The following RFX8 variants were observed in gnomAD, a reference collection of about 807,000 sequenced individuals.
RFX8 encodes DNA-binding protein RFX8.
Under a neutral mutation model 54.6 loss-of-function variants are expected in RFX8, and 46 were observed. The ratio of observed to expected loss-of-function variants is 0.84; its 90% CI spans 0.67 to 1.08. The LOEUF is 1.08. Among genes scored for constraint, RFX8 ranks in the 50% least tolerant of loss-of-function variants. The pLI is 0.00. For missense variants in RFX8, 536 were observed against 562.3 expected, an observed-to-expected ratio of 0.95 and a Z score of 0.47; for synonymous variants, 192 against 209.5, an observed-to-expected ratio of 0.92 and a Z score of 0.72.
chr2:101,463,679 C>T (rs1425056445), intron 2 of RFX8, among the ~76,000 whole-genome samples: 1 of 152,204 alleles, frequency 6.6e-6, no homozygotes, highest in African/African-American at 2.4e-5. Context: ...GCCCTGAACA[C>T]CACCACCGGG....
chr2:101,450,487 C>T (rs1201718457), intron 2 of RFX8: 3 of 586,790 alleles, frequency 5.1e-6, no homozygotes, highest in Non-Finnish European at 9.0e-6. Flanking sequence ...CCCAGCCTCC[C>T]AAAGTGTTGG....
rs1686235656 is a variant in RFX8, at chr2:101,412,991, A to T, written c.642T>A (p.Thr214=). 1 of 1,551,892 alleles carries T rather than the reference A, an allele frequency of 6.4e-7. No individual in the cohort carries two copies. Among genetic ancestry groups the T allele is most frequent in the South Asian group, 1.2e-5 (1 of 84,056 alleles). The stretch of plus-strand genomic sequence containing the variant: ...CCAGGGCTTTCTTAGAAGTAGCCAA[A>T]GTGCCTTGATTGATGATGGCCTGTA... ...SDLQAIINQG[T]LATSKKALAS... Residue 214 remains threonine, a synonymous_variant, in exon 8 of 12, where the codon ACT becomes ACA. Coordinates refer to ENST00000428343, the MANE Select transcript of RFX8 (RefSeq NM_001145664.2).
intron 2 of RFX8, among the ~76,000 whole-genome samples, chr2:101,431,521 C>T (rs553282478): frequency 6.6e-6 from 1 of 152,174 alleles, no homozygotes; most frequent in African/African-American, 2.4e-5. Flanking sequence ...GCTTATTAAA[C>T]AATTTTGAAT....
chr2:101,442,902 A>G (rs1239042081), intron 2 of RFX8, among the ~76,000 whole-genome samples: 1 of 152,062 alleles, frequency 6.6e-6, no homozygotes, highest in Non-Finnish European at 1.5e-5. Flanking sequence ...GCTGCAGAAC[A>G]AAGAGGCTTC....
At chr2:101,463,726 G>A (rs1689415284) in intron 2 of RFX8, among the ~76,000 whole-genome samples, 1 of 152,118 alleles carries the variant, frequency 6.6e-6, no homozygotes, top group South Asian at 2.1e-4. Context: ...CTGCAGCCAT[G>A]AAATAAGAAC....
At chr2:101,409,262 G>A (rs757286996) in intron 9 of RFX8, among the ~76,000 whole-genome samples, 21 of 152,230 alleles carry the variant, frequency 1.4e-4, no homozygotes, top group Non-Finnish European at 3.1e-4. Context: ...TTGCTCTGCC[G>A]CCCAGGCTGG....
chr2:101,402,372 T>C, intron 11 of RFX8, 64 bp downstream of exon 11: 1 of 1,275,758 alleles, frequency 7.8e-7, no homozygotes, highest in Non-Finnish European at 1.1e-6. Flanking sequence ...AGGGTTTTAC[T>C]AATCACCTGT....
intron 2 of RFX8, among the ~76,000 whole-genome samples, chr2:101,440,541 C>T (rs1688037229): frequency 6.6e-6 from 1 of 152,152 alleles, no homozygotes; most frequent in South Asian, 2.1e-4. Context: ...CATTTCATTG[C>T]TGGGGGAGGA....
chr2:101,452,669 T>C (rs912463854), intron 2 of RFX8, among the ~76,000 whole-genome samples: 1 of 152,116 alleles, frequency 6.6e-6, no homozygotes, highest in African/African-American at 2.4e-5. Flanking sequence ...AAAGAAAACA[T>C]ACCACTTGGA....
At chr2:101,402,935 G>A (rs959514834) in intron 10 of RFX8, among the ~76,000 whole-genome samples, 183 bp from the exon 11 acceptor site, 2 of 152,178 alleles carry the variant, frequency 1.3e-5, no homozygotes, top group African/African-American at 4.8e-5. Flanking sequence ...ACCCCTGGCA[G>A]GGCAGCTTTT....
intron 11 of RFX8, among the ~76,000 whole-genome samples, chr2:101,398,846 T>G (rs769121756): frequency 1.1e-4 from 16 of 152,204 alleles, no homozygotes; most frequent in Non-Finnish European, 2.1e-4. Flanking sequence ...TAACTTCAAA[T>G]GCAAGGTTCA....
intron 4 of RFX8, 116 bp from the exon 5 acceptor site, chr2:101,419,080 G>T: frequency 1.6e-6 from 1 of 619,074 alleles, no homozygotes; most frequent in Non-Finnish European, 2.9e-6. Flanking sequence ...TTGTTCCAGT[G>T]CGTGTAAAGC....
intron 2 of RFX8, among the ~76,000 whole-genome samples, chr2:101,446,995 G>A (rs1473367212): frequency 6.6e-6 from 1 of 152,190 alleles, no homozygotes; most frequent in Non-Finnish European, 1.5e-5. Flanking sequence ...CCATCCCCGT[G>A]ACTAAGAGAT....
chr2:101,464,180 G>A (rs747946344), intron 2 of RFX8, among the ~76,000 whole-genome samples: 4 of 152,156 alleles, frequency 2.6e-5, no homozygotes, highest in Non-Finnish European at 5.9e-5. Context: ...CTACACACAC[G>A]GGCCTATATC....
chr2:101,417,609 TA>T lies in RFX8; in HGVS notation c.426del (p.Phe142LeufsTer35). ...SIQYLKSVQL[F>X]SKKFKLWLLN... ...AGGAGCCACAGCTTAAATTTCTTAC[TA>T]AATAACTGCACAGATTTCAGGTACT... On this transcript the variant is annotated frameshift_variant, in exon 6 of 12. Coordinates refer to ENST00000428343, the MANE Select transcript of RFX8 (RefSeq NM_001145664.2). LOFTEE classifies it high-confidence loss of function. 1 of 1,551,660 alleles carries T rather than the reference TA, an allele frequency of 6.4e-7. No homozygotes were observed.
chr2:101,451,174 A>C (rs1318866300), intron 2 of RFX8, among the ~76,000 whole-genome samples: 1 of 151,988 alleles, frequency 6.6e-6, no homozygotes, highest in Admixed American at 6.6e-5. Context: ...CTTCAGACAA[A>C]ATTTTTTCTA....
intron 1 of RFX8, among the ~76,000 whole-genome samples, chr2:101,468,619 A>G (rs982052919): frequency 1.3e-4 from 19 of 151,848 alleles, no homozygotes; most frequent in Admixed American, 1.2e-3. Flanking sequence ...TTATCAACAT[A>G]CCAGTGACTG....
chr2:101,466,566 T>A (rs191431282), intron 2 of RFX8, among the ~76,000 whole-genome samples: 1 of 152,302 alleles, frequency 6.6e-6, no homozygotes, highest in Non-Finnish European at 1.5e-5. Context: ...TCATCCTTCC[T>A]GGCCCCTCAC....
chr2:101,432,661 G>T (rs975775433), intron 2 of RFX8, among the ~76,000 whole-genome samples: 1 of 152,116 alleles, frequency 6.6e-6, no homozygotes, highest in Non-Finnish European at 1.5e-5. Context: ...GTGTGGCTCT[G>T]AGTCAGGCCT....
Sources: gnomAD v4.1 joint callset for allele counts (sites outside exome capture counted in the v4.1 genomes callset) on GRCh38, gnomAD v4.1.1 for gene constraint, MANE v1.5 for transcripts, NCBI Gene and HGNC (gene_info 2026-07-23, HGNC 2026-07-21) for gene names.